Variants in DNASE1 observed in about 807,000 individuals in gnomAD.
DNASE1 encodes deoxyribonuclease-1.
A neutral mutation model predicts 33.9 loss-of-function variants in DNASE1; 40 were observed. The ratio of observed to expected loss-of-function variants is 1.18; its 90% confidence interval spans 0.92 to 1.54. The LOEUF (loss-of-function observed/expected upper bound fraction) is 1.54. DNASE1 is among the 40% of genes most tolerant of loss of function. DNASE1 has a pLI of 0.00. For synonymous variants in DNASE1, 216 were observed against 160.0 expected (o/e 1.35, Z -2.64); for missense variants, 518 against 372.6 (o/e 1.39, Z -3.21).
Position 3,634,057 on chromosome 16 carries a change from G to T in DNASE1, c.-1358-6658G>T, listed in dbSNP as rs1290904239. 2.0e-5 allele frequency among the ~76,000 whole-genome samples: 3 copies of T among 150,994 alleles called. No individual in the cohort carries two copies. In the South Asian group the frequency reaches 6.3e-4, roughly 32 times the overall value. ...GATCTCCTGACCTCGTGATCCGCCC[G>T]TCTCGGCCTCCCAAAGTGCTGGGAT... On this transcript the variant is annotated intron_variant and NMD_transcript_variant, in intron 1 of 11. Coordinates refer to the DNASE1 transcript ENST00000570769.
At chr16:3,654,455 G>A, upstream of DNASE1, 1 of 398,662 alleles carries the variant, frequency 2.5e-6, no homozygotes, top group Non-Finnish European at 4.4e-6. Flanking sequence ...CAGCCACCAG[G>A]GGGCTCCATT....
chr16:3,634,606 C>T (rs1203508978), intron 1 of DNASE1, among the ~76,000 whole-genome samples: 1 of 152,066 alleles, frequency 6.6e-6, no homozygotes, highest in Admixed American at 6.6e-5. Context: ...AACTCCAGGG[C>T]TCAAATGATC....
upstream of DNASE1, chr16:3,654,433 A>C (rs2151212687): frequency 2.5e-6 from 1 of 398,702 alleles, no homozygotes; most frequent in East Asian, 3.6e-5. Context: ...GCCACAGAGC[A>C]GTCATGGCTG....
chr16:3,646,363 C>G (rs1329390056), intron 1 of DNASE1, among the ~76,000 whole-genome samples: 1 of 152,156 alleles, frequency 6.6e-6, no homozygotes, highest in Non-Finnish European at 1.5e-5. Flanking sequence ...CCACCGCTTC[C>G]TGGAGCTTGT....
intron 1 of DNASE1, among the ~76,000 whole-genome samples, chr16:3,614,727 G>C (rs1424270788): frequency 6.6e-6 from 1 of 152,160 alleles, no homozygotes; most frequent in African/African-American, 2.4e-5. Context: ...AGACCTGGGA[G>C]AGGCAGTCTC....
chr16:3,622,456 G>A (rs968222215), intron 1 of DNASE1, among the ~76,000 whole-genome samples: 1 of 151,998 alleles, frequency 6.6e-6, no homozygotes, highest in Non-Finnish European at 1.5e-5. Flanking sequence ...TGTGGGCTTT[G>A]CATTCTTTTA....
At chr16:3,661,169 T>C (rs190194537), downstream of DNASE1, 1 of 152,184 alleles carries the variant, frequency 6.6e-6, no homozygotes, top group Non-Finnish European at 1.5e-5. Context: ...TTAAAAATGG[T>C]ACCAGAACCC....
chr16:3,656,161 A>G lies in DNASE1; in HGVS notation c.296A>G (p.Lys99Arg). 2 of 1,614,084 alleles carry G rather than the reference A, an allele frequency of 1.2e-6. No homozygotes were observed. The highest frequency in any genetic ancestry group is 1.7e-6 in the Non-Finnish European group (2 of 1,180,000). ...VSEPLGRNSY[K>R]ERYLFVYRPD... ...GAGCCACTGGGACGGAACAGCTATAAGGAGCGCTACCTGTTCGTGTACAGG... is the reference window on the plus strand; with the variant it reads ...GAGCCACTGGGACGGAACAGCTATAGGGAGCGCTACCTGTTCGTGTACAGG... The change falls in exon 4 of 9, where the codon AAG (lysine) becomes AGG (arginine). Residue 99 changes from lysine (K) to arginine (R), a missense_variant. Coordinates refer to ENST00000246949, the MANE Select transcript of DNASE1 (RefSeq NM_005223.4).
chr16:3,616,630 A>C (rs571145273), intron 1 of DNASE1, among the ~76,000 whole-genome samples: 7 of 130,634 alleles, frequency 5.4e-5, no homozygotes, highest in African/African-American at 1.8e-4. Context: ...CAAATAAATA[A>C]ATTAAATAAA....
chr16:3,620,510 C>A (rs2041269297), intron 1 of DNASE1, among the ~76,000 whole-genome samples: 1 of 149,832 alleles, frequency 6.7e-6, no homozygotes. Context: ...CAGAGTGAGA[C>A]CCTGTCTCAA....
intron 8 of DNASE1, 37 bp from the exon 9 acceptor site, chr16:3,657,869 T>G (rs1262743737): frequency 1.9e-6 from 3 of 1,613,874 alleles, no homozygotes; most frequent in Non-Finnish European, 2.5e-6. Context: ...GGAGCTCAGG[T>G]AGGCTCAGCC....
downstream of DNASE1, chr16:3,658,797 T>C (rs188805910): frequency 3.1e-6 from 5 of 1,613,690 alleles, no homozygotes; most frequent in Admixed American, 8.3e-5. Context: ...ACTCACCTGA[T>C]CCACCAGCAG....
At chr16:3,656,869 G>A (rs1012824307) in intron 5 of DNASE1, 116 bp downstream of exon 5, 10 of 1,543,758 alleles carry the variant, frequency 6.5e-6, no homozygotes, top group Non-Finnish European at 8.7e-6. Context: ...TGGGGCTTGG[G>A]TTTTCCATTC....
chr16:3,655,208 C>T (rs371530723), intron 1 of DNASE1, among the ~76,000 whole-genome samples, 164 bp downstream of exon 1: 2 of 152,182 alleles, frequency 1.3e-5, no homozygotes, highest in African/African-American at 2.4e-5. Context: ...TACGTGGTGC[C>T]AGCTGTTTGG....
chr16:3,648,502 C>T (rs2042238195), intron 1 of DNASE1, among the ~76,000 whole-genome samples: 1 of 152,088 alleles, frequency 6.6e-6, no homozygotes, highest in Non-Finnish European at 1.5e-5. Flanking sequence ...GTGAAGCTTG[C>T]AGAGAATGGT....
upstream of DNASE1, chr16:3,654,601 G>T (rs1319107808): frequency 2.5e-6 from 1 of 398,712 alleles, no homozygotes; most frequent in Non-Finnish European, 4.4e-6. Context: ...TGGAAGATGG[G>T]GGCCACCACA....
intron 1 of DNASE1, among the ~76,000 whole-genome samples, chr16:3,617,872 G>A (rs1480242796): frequency 6.6e-6 from 1 of 151,376 alleles, no homozygotes; most frequent in Non-Finnish European, 1.5e-5. Flanking sequence ...ACCAGACAGA[G>A]TCTGCCAACA....
At chr16:3,614,465 C>T (rs535431955) in intron 1 of DNASE1, among the ~76,000 whole-genome samples, 151 of 152,362 alleles carry the variant, frequency 9.9e-4, no homozygotes, top group Middle Eastern at 3.4e-3. Context: ...AGGAGAAAGT[C>T]TAGGCCAGAA....
chr16:3,627,970 G>C (rs1342318722), intron 1 of DNASE1, among the ~76,000 whole-genome samples: 1 of 148,642 alleles, frequency 6.7e-6, no homozygotes, highest in African/African-American at 2.5e-5. Flanking sequence ...AAGTCATTGG[G>C]ATTTTGCTTC....
Sources: allele counts gnomAD v4.1 joint callset (sites outside exome capture counted in the v4.1 genomes callset), GRCh38; gene constraint gnomAD v4.1.1; transcripts MANE v1.5; gene names NCBI Gene and HGNC (gene_info 2026-07-23, HGNC 2026-07-21).